Variants in CLCF1 observed in about 807,000 individuals in gnomAD.
CLCF1 encodes cardiotrophin like cytokine factor 1, also known as cardiotrophin-like cytokine factor 1.
CLCF1 carries 10 observed loss-of-function variants against 21.2 expected under a neutral mutation model. The observed-to-expected ratio is 0.47, with a 90% CI of 0.29 to 0.80. The LOEUF (loss-of-function observed/expected upper bound fraction) is 0.80, where lower values mean the gene tolerates loss of function less well. Among genes scored for constraint, CLCF1 ranks in the 30% least tolerant of loss-of-function variants. CLCF1 has a pLI of 0.09. For synonymous variants in CLCF1, 115 were observed against 120.5 expected (o/e 0.95, Z 0.30); for missense variants, 240 against 293.4 (o/e 0.82, Z 1.33).
Position 67,373,588 on chromosome 11 carries a change from CGGAGTG to C in CLCF1, c.-55_-50del. On this transcript the variant is annotated 5_prime_UTR_variant, in exon 1 of 3. Coordinates refer to ENST00000312438, the MANE Select transcript of CLCF1 (RefSeq NM_013246.3). Reference sequence around the variant, plus strand: ...GTGCGGCTCCTCTCCCGGAGGCTGGCGGAGTGGGAGGGCGAGCCGCGGCTCCGGCGA... The same window carrying C: ...GTGCGGCTCCTCTCCCGGAGGCTGGCGGAGGGCGAGCCGCGGCTCCGGCGA... 4 of 1,329,658 alleles carry C rather than the reference CGGAGTG, an allele frequency of 3.0e-6. No homozygotes were observed. Among genetic ancestry groups the C allele is most frequent in the Non-Finnish European group, 3.8e-6 (4 of 1,039,318 alleles). The allele number at this position is 1,329,658 out of a possible 1,614,324, so 82.4% of individuals were successfully genotyped here. A position where few individuals can be genotyped will look rare whatever the true frequency, so the allele number is the denominator to read the frequency against.
Position 67,365,226 on chromosome 11 carries a change from C to T in CLCF1, c.588G>A (p.Trp196Ter). Residue 196 changes from tryptophan (W) to a stop codon, truncating the protein, a stop_gained, in exon 3 of 3, where the codon TGG (tryptophan) becomes TGA (stop). Transcript: ENST00000312438. LOFTEE classifies it high-confidence loss of function. This position sits in a 1 kb window ranked among gnomAD's most constrained non-coding sequence, Gnocchi z 5.0. ...WLLKELQTWL[W>*]RSAKDFNRLK... Reference sequence around the variant, plus strand: ...GCCGGTTGAAGTCCTTGGCCGAGCGCCACAGCCAGGTCTGCAGCTCCTTCA... The same window carrying T: ...GCCGGTTGAAGTCCTTGGCCGAGCGTCACAGCCAGGTCTGCAGCTCCTTCA... The T allele has an allele frequency of 6.2e-7, 1 of 1,614,032 alleles. No homozygotes were observed. The highest frequency in any genetic ancestry group is 8.5e-7 in the Non-Finnish European group (1 of 1,180,030).
intron 2 of CLCF1, 74 bp downstream of exon 2, chr11:67,367,386 C>A: frequency 1.2e-6 from 2 of 1,610,226 alleles, no homozygotes; most frequent in South Asian, 2.2e-5. Flanking sequence ...TACCAGAACC[C>A]TCCACGGTTA....
chr11:67,365,790 A>G lies in CLCF1; in HGVS notation c.184-160T>C, dbSNP rs557019347. ...TTCATGGCCTCCCTGAGTTTTTCCAATAAGGATATCATTTGTATGCAGGTG... is the reference window on the plus strand; with the variant it reads ...TTCATGGCCTCCCTGAGTTTTTCCAGTAAGGATATCATTTGTATGCAGGTG... On this transcript the variant is annotated intron_variant, in intron 2 of 2. Transcript: ENST00000312438. The surrounding 1 kb of genome is among the most constrained non-coding windows in gnomAD (Gnocchi z 5.0). Among the ~76,000 whole-genome samples, 12 of 152,304 alleles carry G rather than the reference A, an allele frequency of 7.9e-5. 1 individual carries two copies. The South Asian group carries it at 2.1e-3, about 26-fold the overall frequency.
At position 67,365,035 on chromosome 11, in the gene CLCF1, C is replaced by T; in HGVS notation, c.*101G>A. 2 of 1,584,888 alleles carry T rather than the reference C, an allele frequency of 1.3e-6. No individual in the cohort carries two copies. Among genetic ancestry groups the T allele is most frequent in the Admixed American group, 3.4e-5 (2 of 59,200 alleles). Reference sequence around the variant, plus strand: ...GGTCCAGGAAAGGGCCAGAGGCTCACAGCTTCTGTCTCCTGGCTCAACAGG... The same window carrying T: ...GGTCCAGGAAAGGGCCAGAGGCTCATAGCTTCTGTCTCCTGGCTCAACAGG... On this transcript the variant is annotated 3_prime_UTR_variant, in exon 3 of 3. Transcript: ENST00000312438. This position sits in a 1 kb window ranked among gnomAD's most constrained non-coding sequence, Gnocchi z 5.0.
chr11:67,367,803 A>G, intron 1 of CLCF1, 177 bp from the exon 2 acceptor site: 3 of 985,388 alleles, frequency 3.0e-6, no homozygotes, highest in Non-Finnish European at 3.6e-6. Context: ...CGGGAGAGAA[A>G]GAGAGGCATG....
chr11:67,370,641 C>T (rs1474425213), intron 1 of CLCF1: 9 of 982,018 alleles, frequency 9.2e-6, no homozygotes, highest in Non-Finnish European at 1.1e-5. Context: ...CTCTCTCTCT[C>T]TTAGCCCAAG....
chr11:67,367,335 G>A (rs1862132053), intron 2 of CLCF1, 125 bp downstream of exon 2: 2 of 1,434,956 alleles, frequency 1.4e-6, no homozygotes, highest in South Asian at 1.2e-5. Flanking sequence ...CCAGACAGGG[G>A]GACTGGTGGG....
intron 1 of CLCF1, chr11:67,368,901 CTTTTTTTTTCCT>C (rs1184972769): frequency 4.4e-5 from 30 of 682,714 alleles, no homozygotes; most frequent in African/African-American, 2.4e-4. Context: ...TCCTATAGTT[CTTTTTTTTTCCT>C]TTTTTTTTTT....
At chr11:67,371,762 G>C (rs934822032) in intron 1 of CLCF1, among the ~76,000 whole-genome samples, 1 of 151,988 alleles carries the variant, frequency 6.6e-6, no homozygotes, top group Non-Finnish European at 1.5e-5. Flanking sequence ...GGGGAGGAGA[G>C]TGCAGGAGCC....
At chr11:67,370,373 T>TC (rs1488858125) in intron 1 of CLCF1, 1 of 983,848 alleles carries the variant, frequency 1.0e-6, no homozygotes, top group Non-Finnish European at 1.2e-6. Context: ...GTGTCCTAGG[T>TC]CCCCCTCTCC....
intron 1 of CLCF1, among the ~76,000 whole-genome samples, chr11:67,373,078 C>T (rs1862274223): frequency 6.6e-6 from 1 of 150,660 alleles, no homozygotes; most frequent in African/African-American, 2.4e-5. Flanking sequence ...GCGGCGCGGC[C>T]CGAGGTGTCG....
intron 1 of CLCF1, chr11:67,370,621 C>T (rs915768039): frequency 5.1e-6 from 5 of 984,924 alleles, no homozygotes; most frequent in Non-Finnish European, 3.6e-6. Flanking sequence ...AACACACACA[C>T]ACACACACAC....
At chr11:67,368,764 G>T in intron 1 of CLCF1, 1 of 985,344 alleles carries the variant, frequency 1.0e-6, no homozygotes, top group Non-Finnish European at 1.2e-6. Flanking sequence ...GGCAGGCAGA[G>T]GGTGAGTTGG....
chr11:67,366,700 A>G (rs1862106513), intron 2 of CLCF1, among the ~76,000 whole-genome samples: 1 of 151,936 alleles, frequency 6.6e-6, no homozygotes, highest in African/African-American at 2.4e-5. Flanking sequence ...AAGCACAGAG[A>G]CAAACTAATT....
At chr11:67,369,160 C>G in intron 1 of CLCF1, 1 of 985,276 alleles carries the variant, frequency 1.0e-6, no homozygotes, top group Non-Finnish European at 1.2e-6. Flanking sequence ...ATGCAAGACT[C>G]CATTTGTATA....
chr11:67,373,840 C>T (rs1419146924), upstream of CLCF1: 45 of 938,692 alleles, frequency 4.8e-5, no homozygotes, highest in Non-Finnish European at 5.8e-5. Context: ...CCCACAGCAC[C>T]GAGGGGGGGT....
chr11:67,370,576 A>T lies in CLCF1; in HGVS notation c.16+2948T>A, dbSNP rs567560449. ...CCGGCCAGCCCCTAATTCCATCCAG[A>T]TCCCTGGGCCCTAGGAACCAAGGCT... On this transcript the variant is annotated intron_variant, in intron 1 of 2. Coordinates refer to ENST00000312438, the MANE Select transcript of CLCF1 (RefSeq NM_013246.3). 6 of 956,096 alleles carry T rather than the reference A, an allele frequency of 6.3e-6. No homozygotes were observed. In the South Asian group the frequency reaches 1.4e-4, roughly 23 times the overall value. The allele number at this position is 956,096 out of a possible 1,614,324, so 59.2% of individuals were successfully genotyped here. A position where few individuals can be genotyped will look rare whatever the true frequency, so the allele number is the denominator to read the frequency against.
At chr11:67,369,526 A>G in intron 1 of CLCF1, 1 of 985,284 alleles carries the variant, frequency 1.0e-6, no homozygotes, top group Non-Finnish European at 1.2e-6. Context: ...ACATCTCAAC[A>G]CAACTCCAAG....
At chr11:67,368,868 T>C in intron 1 of CLCF1, 3 of 982,598 alleles carry the variant, frequency 3.1e-6, no homozygotes, top group Non-Finnish European at 3.6e-6. Flanking sequence ...CTTGAATAGG[T>C]GTGAGGTCAT....
Sources: allele counts gnomAD v4.1 joint callset (sites outside exome capture counted in the v4.1 genomes callset), GRCh38; gene constraint gnomAD v4.1.1; non-coding constraint Gnocchi (gnomAD v3.1); transcripts MANE v1.5; gene names NCBI Gene and HGNC (gene_info 2026-07-23, HGNC 2026-07-21).